Variants in NBPF14 observed in about 807,000 individuals in gnomAD.
NBPF14 encodes NBPF member 14.
In NBPF14, 104 loss-of-function variants were observed where a neutral mutation model predicts 91.2. The observed-to-expected ratio is 1.14, with a 90% CI of 0.97 to 1.34. The LOEUF is 1.34. Among genes scored for constraint, NBPF14 ranks in the 40% most tolerant of loss-of-function variants. The pLI, the probability that NBPF14 is intolerant of heterozygous loss-of-function variation, is 0.00. For missense variants in NBPF14, 908 were observed against 783.0 expected, an observed-to-expected ratio of 1.16 and a Z score of -1.91; for synonymous variants, 294 against 303.8, an observed-to-expected ratio of 0.97 and a Z score of 0.34.
At chr1:148,572,642 T>G (rs1204016280) in intron 20 of NBPF14, 27 bp from the exon 21 acceptor site, 5 of 613,686 alleles carry the variant, frequency 8.1e-6, no homozygotes, top group African/African-American at 3.1e-5. Context: ...AAGTAAAGAA[T>G]AAGCCAGGGG....
rs1199480030 is a variant in NBPF14, at chr1:148,576,075, GT to G, written c.2079-265del. 6.5e-4 allele frequency among the ~76,000 whole-genome samples: 95 copies of G among 145,206 alleles called. 2 individuals are homozygous for G. The highest frequency in any genetic ancestry group is 1.9e-3 in the Admixed American group (28 of 14,760). The stretch of plus-strand genomic sequence containing the variant: ...GGCCGGGTGACACACTGATGAAGGG[GT>G]TAAAGGACACTCTGAGTTAGTGCCC... On this transcript the variant is annotated intron_variant, in intron 16 of 70. Transcript: ENST00000619423.
At chr1:148,572,593 C>T (rs1384011105) in exon 21 of NBPF14, 1 of 614,898 alleles carries the variant, frequency 1.6e-6, no homozygotes. Flanking sequence ...GGCTCTTTCT[C>T]ATCCAGCAGC....
intron 29 of NBPF14, among the ~76,000 whole-genome samples, chr1:148,565,771 T>A (rs1290806737): frequency 3.0e-3 from 39 of 12,906 alleles, no homozygotes; most frequent in African/African-American, 9.3e-3. Flanking sequence ...CCCTGTCTCA[T>A]CAAATACTCA....
chr1:148,577,648 T>A (rs1306486999), intron 14 of NBPF14, among the ~76,000 whole-genome samples: 1 of 149,116 alleles, frequency 6.7e-6, no homozygotes, highest in Non-Finnish European at 1.5e-5. Context: ...AAGGACACTC[T>A]GTATTTGTGC....
rs1482817070 is a variant in NBPF14 at position 148,577,456 on chromosome 1, A to G, written c.1854-101T>C. 1.0e-5 allele frequency: 7 copies of G among 683,556 alleles called. 1 individual carries two copies. Among genetic ancestry groups the G allele is most frequent in the South Asian group, 3.3e-5 (2 of 61,224 alleles). The allele number at this position is 683,556 out of a possible 1,614,324, so 42.3% of individuals were successfully genotyped here. On this transcript the variant is annotated intron_variant, in intron 14 of 70. Coordinates refer to ENST00000619423, the Ensembl canonical transcript of NBPF14. ...TAACGTAAGGAAGAGTTTGAAAAGA[A>G]AAAGGACAGATCCATTAATGAGGTA...
chr1:148,589,952 G>A lies in NBPF14; in HGVS notation c.779-559C>T, dbSNP rs1353637786. Among the ~76,000 whole-genome samples the A allele has an allele frequency of 1.4e-4, 21 of 147,028 alleles. 1 individual carries two copies. The highest frequency in any genetic ancestry group is 8.8e-4 in the South Asian group (4 of 4,530). ...TCGCCATCTTGGACAGGCTGGTTTC[G>A]AACTCCTGAGCTCAGGTGTTCCGCC... On this transcript the variant is annotated intron_variant, in intron 6 of 70. Transcript: ENST00000619423.
In NBPF14 at chr1:148,580,800, CT is replaced by C. The variant is rs1257563102; in HGVS notation, c.1638-1564del. Among the ~76,000 whole-genome samples the C allele has an allele frequency of 5.6e-3, 419 of 74,952 alleles. 35 individuals carry two copies. Among genetic ancestry groups the C allele is most frequent in the African/African-American group, 0.022 (378 of 17,336 alleles). 49.2% of individuals were successfully genotyped at this position (74,952 alleles called of 152,430 possible). ...GAGAGTGGGAGCAATATTCAACATT[CT>C]TTTTTTTTTCCATATGTATAGTTTT... On this transcript the variant is annotated intron_variant, in intron 12 of 70. Transcript: ENST00000619423.
At chr1:148,566,524 C>T (rs1329279911) in intron 28 of NBPF14, among the ~76,000 whole-genome samples, 6 of 128,214 alleles carry the variant, frequency 4.7e-5, no homozygotes, top group Non-Finnish European at 9.1e-5. Flanking sequence ...CACACACACA[C>T]ACACACACAC....
At chr1:148,585,638 C>T (rs1661393457) in intron 9 of NBPF14, among the ~76,000 whole-genome samples, 2 of 149,164 alleles carry the variant, frequency 1.3e-5, no homozygotes, top group African/African-American at 4.9e-5. Flanking sequence ...GATTTCAAGC[C>T]TCCAAGTGGC....
At chr1:148,533,389 T>C (rs1177230945) in intron 70 of NBPF14, 141 bp from the exon 71 acceptor site, 13 of 582,190 alleles carry the variant, frequency 2.2e-5, no homozygotes, top group African/African-American at 1.4e-4. Context: ...AAAAAATTTA[T>C]TGCCTTTATG....
intron 40 of NBPF14, among the ~76,000 whole-genome samples, chr1:148,557,065 C>A (rs1656693310): frequency 8.0e-6 from 1 of 124,232 alleles, no homozygotes; most frequent in African/African-American, 4.1e-5. Flanking sequence ...GATAGACACA[C>A]ACACACACAC....
chr1:148,534,970 C>A (rs1250103958), intron 68 of NBPF14, 114 bp from the exon 69 acceptor site: 13 of 736,570 alleles, frequency 1.8e-5, no homozygotes, highest in Admixed American at 5.8e-5. Flanking sequence ...AGGACAGATC[C>A]ATTAATGAGG....
intron 37 of NBPF14, among the ~76,000 whole-genome samples, chr1:148,559,347 C>T (rs1277247805): frequency 1.6e-5 from 2 of 128,828 alleles, no homozygotes. Flanking sequence ...CATATTTTTC[C>T]AATCGATTTA....
rs1337393734 is a variant in NBPF14 at position 148,538,215 on chromosome 1, C to G, written c.7935-209G>C. Among the ~76,000 whole-genome samples the G allele has an allele frequency of 4.0e-4, 29 of 73,002 alleles. 1 individual carries two copies. Among genetic ancestry groups the G allele is most frequent in the Non-Finnish European group, 6.2e-4 (23 of 37,184 alleles). 47.9% of individuals were successfully genotyped at this position (73,002 alleles called of 152,430 possible). On this transcript the variant is annotated intron_variant, in intron 64 of 70. Coordinates refer to ENST00000619423, the Ensembl canonical transcript of NBPF14. ...AGAAAGACAGATAGACACACACACACACACACACACACACACACACACACA... is the reference window on the plus strand; with the variant it reads ...AGAAAGACAGATAGACACACACACAGACACACACACACACACACACACACA...
chr1:148,534,621 G>C (rs1208927002), intron 69 of NBPF14, 63 bp downstream of exon 69: 2 of 905,994 alleles, frequency 2.2e-6, no homozygotes, highest in East Asian at 4.8e-5. Context: ...ACTTGGAATA[G>C]GAATATCACC....
chr1:148,531,844 A>AT (rs1275640140), exon 71 of NBPF14: 4 of 93,326 alleles, frequency 4.3e-5, no homozygotes, highest in Non-Finnish European at 8.8e-5. Flanking sequence ...ATGGTGATGG[A>AT]CAAACTAGAC....
chr1:148,590,406 G>A (rs1167766721), intron 6 of NBPF14, among the ~76,000 whole-genome samples: 1 of 134,974 alleles, frequency 7.4e-6, no homozygotes, highest in East Asian at 2.0e-4. Flanking sequence ...AGAGAGTCTA[G>A]CCTGACAGAA....
In NBPF14 at chr1:148,539,223, C is replaced by T. The variant is rs1216532693; in HGVS notation, c.7882+187G>A. On this transcript the variant is annotated intron_variant, in intron 63 of 70. Coordinates refer to ENST00000619423, the Ensembl canonical transcript of NBPF14. ...GCTGGAGACTAGGAATAGAGCCTTG[C>T]TCACTGACCCATTTCATGTCTAGGC... Among the ~76,000 whole-genome samples, 6 of 102,240 alleles carry T rather than the reference C, an allele frequency of 5.9e-5. 2 individuals carry two copies. Among genetic ancestry groups the T allele is most frequent in the East Asian group, 6.2e-4 (2 of 3,240 alleles). 67.1% of individuals were successfully genotyped at this position (102,240 alleles called of 152,430 possible). A position where few individuals can be genotyped will look rare whatever the true frequency, so the allele number is the denominator to read the frequency against.
intron 12 of NBPF14, among the ~76,000 whole-genome samples, chr1:148,579,772 A>G (rs1437506539): frequency 6.6e-6 from 1 of 152,218 alleles, no homozygotes; most frequent in African/African-American, 2.4e-5. Context: ...GACACATGGG[A>G]GAGAATAGGC....
Sources: gnomAD v4.1 joint callset for allele counts (sites outside exome capture counted in the v4.1 genomes callset) on GRCh38, gnomAD v4.1.1 for gene constraint, MANE v1.5 for transcripts, NCBI Gene and HGNC (gene_info 2026-07-23, HGNC 2026-07-21) for gene names.